Variants in GMDS observed in about 807,000 individuals in gnomAD.
The protein encoded by GMDS is GDP-mannose 4,6-dehydratase.
In GMDS, 20 loss-of-function variants were observed where a neutral mutation model predicts 49.9. The ratio of observed to expected loss-of-function variants is 0.40; its 90% CI spans 0.28 to 0.58. The LOEUF (loss-of-function observed/expected upper bound fraction) is 0.58. Among genes scored for constraint, GMDS ranks in the 20% least tolerant of loss-of-function variants. GMDS has a pLI of 0.42. For missense variants in GMDS, 362 were observed against 481.4 expected (o/e 0.75, Z 2.32); for synonymous variants, 177 against 178.6 (o/e 0.99, Z 0.07).
intron 7 of GMDS, among the ~76,000 whole-genome samples, chr6:1,800,391 T>C (rs1769901497): frequency 6.6e-6 from 1 of 152,300 alleles, no homozygotes; most frequent in Admixed American, 6.5e-5. Context: ...TAGACATCTA[T>C]AAAAGGCCAG....
intron 7 of GMDS, among the ~76,000 whole-genome samples, chr6:1,798,237 GCACA>G (rs70992103): frequency 0.064 from 9,119 of 143,316 alleles, 287 homozygotes; most frequent in East Asian, 0.13. Flanking sequence ...TAATTACAGA[GCACA>G]CACACACACA....
intron 6 of GMDS, among the ~76,000 whole-genome samples, chr6:1,947,029 C>T (rs564630134): frequency 1.3e-5 from 2 of 152,310 alleles, no homozygotes; most frequent in South Asian, 2.1e-4. Context: ...GATCATTTTT[C>T]GCATATGGTA....
chr6:2,153,250 G>A (rs749098098), intron 1 of GMDS, among the ~76,000 whole-genome samples: 12 of 152,198 alleles, frequency 7.9e-5, no homozygotes, highest in Non-Finnish European at 1.8e-4. Flanking sequence ...CTAGAAAAAG[G>A]CTGGATAAAC....
At chr6:1,805,174 A>T (rs1770121433) in intron 7 of GMDS, among the ~76,000 whole-genome samples, 1 of 152,176 alleles carries the variant, frequency 6.6e-6, no homozygotes, top group South Asian at 2.1e-4. Context: ...TAGTTCTTTG[A>T]GATGGTTCAA....
At chr6:2,200,735 A>G (rs1219738024) in intron 1 of GMDS, among the ~76,000 whole-genome samples, 192 of 97,156 alleles carry the variant, frequency 2.0e-3, no homozygotes, top group Middle Eastern at 7.0e-3. Flanking sequence ...CACCACATGG[A>G]CATCCGAGAT....
At chr6:1,674,336 A>G (rs1032258170) in intron 9 of GMDS, among the ~76,000 whole-genome samples, 2 of 151,964 alleles carry the variant, frequency 1.3e-5, no homozygotes, top group East Asian at 3.9e-4. Flanking sequence ...TGAGGTGTCT[A>G]TTAGCTCATT....
chr6:1,821,795 T>C (rs184960260), intron 7 of GMDS, among the ~76,000 whole-genome samples: 1 of 152,182 alleles, frequency 6.6e-6, no homozygotes, highest in East Asian at 1.9e-4. Context: ...TTTTCCCCAA[T>C]TAGGAAGGAC....
At chr6:1,942,348 C>T (rs1212553515) in intron 6 of GMDS, among the ~76,000 whole-genome samples, 1 of 152,162 alleles carries the variant, frequency 6.6e-6, no homozygotes, top group Non-Finnish European at 1.5e-5. Flanking sequence ...GGTGGCTGCT[C>T]AATGCAGATT....
chr6:2,060,131 C>T (rs575375418), intron 4 of GMDS, among the ~76,000 whole-genome samples: 1 of 152,244 alleles, frequency 6.6e-6, no homozygotes, highest in Admixed American at 6.5e-5. Flanking sequence ...GTGACACAAA[C>T]ACCCATGTTT....
intron 9 of GMDS, among the ~76,000 whole-genome samples, chr6:1,676,962 C>T (rs1764644104): frequency 6.6e-6 from 1 of 152,172 alleles, no homozygotes; most frequent in East Asian, 1.9e-4. Context: ...AGCTTCTGCA[C>T]AGCAAAAGAA....
At chr6:1,991,706 G>A (rs1315977027) in intron 4 of GMDS, among the ~76,000 whole-genome samples, 1 of 152,152 alleles carries the variant, frequency 6.6e-6, no homozygotes, top group Non-Finnish European at 1.5e-5. Flanking sequence ...TGCCTAGTGT[G>A]GGATTGAACA....
chr6:1,799,907 T>C (rs1478096047), intron 7 of GMDS, among the ~76,000 whole-genome samples: 1 of 152,200 alleles, frequency 6.6e-6, no homozygotes, highest in Non-Finnish European at 1.5e-5. Flanking sequence ...GGTTGGAGAT[T>C]TGTTTAGATT....
chr6:2,002,543 CTATT>C (rs369537985), intron 4 of GMDS, among the ~76,000 whole-genome samples: 2 of 152,202 alleles, frequency 1.3e-5, no homozygotes, highest in African/African-American at 4.8e-5. Flanking sequence ...TTCAATGTCA[CTATT>C]TATTCCTTAA....
At chr6:1,873,031 T>G (rs1758854309) in intron 7 of GMDS, among the ~76,000 whole-genome samples, 1 of 152,180 alleles carries the variant, frequency 6.6e-6, no homozygotes, top group African/African-American at 2.4e-5. Flanking sequence ...CTTTCGTCAG[T>G]CTGCGTGAAC....
At chr6:1,805,294 T>C (rs986496981) in intron 7 of GMDS, among the ~76,000 whole-genome samples, 7 of 152,218 alleles carry the variant, frequency 4.6e-5, no homozygotes, top group African/African-American at 1.4e-4. Flanking sequence ...AGATACACTG[T>C]TTCTTTTCTG....
chr6:2,154,863 C>CAAAAAAAAAAAAAAAAAAAAAAAAAA (rs70992124), intron 1 of GMDS, among the ~76,000 whole-genome samples: 4 of 65,626 alleles, frequency 6.1e-5, no homozygotes, highest in Non-Finnish European at 1.2e-4. Context: ...TGAAGAGATG[C>CAAAAAAAAAAAAAAAAAAAAAAAAAA]AAAAAAAAAA....
chr6:1,970,837 T>C (rs1335157266), intron 4 of GMDS, among the ~76,000 whole-genome samples: 1 of 151,980 alleles, frequency 6.6e-6, no homozygotes, highest in Non-Finnish European at 1.5e-5. Context: ...TCAGGATAAA[T>C]AGCTAATCCA....
chr6:2,054,493 T>A (rs886796832), intron 4 of GMDS, among the ~76,000 whole-genome samples: 1 of 152,142 alleles, frequency 6.6e-6, no homozygotes, highest in African/African-American at 2.4e-5. Flanking sequence ...GAAAACCCAT[T>A]GTCTTACTGG....
At chr6:1,645,633 G>A (rs1333606210) in intron 9 of GMDS, among the ~76,000 whole-genome samples, 1 of 152,170 alleles carries the variant, frequency 6.6e-6, no homozygotes, top group Admixed American at 6.5e-5. Context: ...CTCCTGGGGC[G>A]GGCCCCTTTC....
Sources: allele counts gnomAD v4.1 joint callset (sites outside exome capture counted in the v4.1 genomes callset), GRCh38; gene constraint gnomAD v4.1.1; transcripts MANE v1.5; gene names NCBI Gene and HGNC (gene_info 2026-07-23, HGNC 2026-07-21).